Variants in SKAP1 observed in about 807,000 individuals in gnomAD.
The protein encoded by SKAP1 is src kinase associated phosphoprotein 1, also known as src kinase-associated phosphoprotein 1.
Under a neutral mutation model 58.5 loss-of-function variants are expected in SKAP1, and 44 were observed. The ratio of observed to expected loss-of-function variants is 0.75; its 90% CI spans 0.59 to 0.97. The LOEUF (loss-of-function observed/expected upper bound fraction) is 0.97. Ranked by LOEUF, SKAP1 falls within the 50% of genes least tolerant of loss-of-function variation. The pLI, the probability that SKAP1 is intolerant of heterozygous loss-of-function variation, is 0.00. For synonymous variants in SKAP1, 127 were observed against 149.7 expected (o/e 0.85, Z 1.11); for missense variants, 390 against 435.2 (o/e 0.90, Z 0.92).
intron 9 of SKAP1, among the ~76,000 whole-genome samples, chr17:48,174,410 A>G (rs533964609): frequency 1.3e-5 from 2 of 152,326 alleles, no homozygotes; most frequent in East Asian, 3.9e-4. Context: ...CTGGTTGTGA[A>G]AATTACACCC....
intron 10 of SKAP1, among the ~76,000 whole-genome samples, chr17:48,166,327 A>T (rs2064139010): frequency 6.6e-6 from 1 of 152,234 alleles, no homozygotes; most frequent in Non-Finnish European, 1.5e-5. Context: ...ATTGCAAAGC[A>T]TTTGTCATTG....
chr17:48,303,793 T>C (rs1360443493), intron 4 of SKAP1, among the ~76,000 whole-genome samples: 1 of 152,178 alleles, frequency 6.6e-6, no homozygotes, highest in Non-Finnish European at 1.5e-5. Context: ...ACATAGAAGG[T>C]TGCTAGATAA....
chr17:48,204,993 C>CTTTTCT (rs1457100566), intron 4 of SKAP1, among the ~76,000 whole-genome samples: 1 of 52,128 alleles, frequency 1.9e-5, no homozygotes, highest in African/African-American at 9.5e-5. Context: ...TTCTTTCTTT[C>CTTTTCT]TTTCTTTCTT....
chr17:48,430,096 C>T lies in SKAP1; in HGVS notation c.25G>A (p.Glu9Lys), dbSNP rs762740429. 1 of 1,264,652 alleles carries T rather than the reference C, an allele frequency of 7.9e-7. No homozygotes were observed. The highest frequency in any genetic ancestry group is 1.0e-6 in the Non-Finnish European group (1 of 997,082). The allele number at this position is 1,264,652 out of a possible 1,614,324, so 78.3% of individuals were successfully genotyped here. MQAAALPE[E>K]IRWLLEDAEE... Reference sequence around the variant, plus strand: ...TTACCTTCCAGGAGCCAACGGATCTCCTCAGGGAGGGCGGCGGCCTGCATT... The same window carrying T: ...TTACCTTCCAGGAGCCAACGGATCTTCTCAGGGAGGGCGGCGGCCTGCATT... Residue 9 changes from glutamate (E) to lysine (K), a missense_variant, in exon 1 of 13, where the codon GAG (glutamate) becomes AAG (lysine). Transcript: ENST00000336915.
chr17:48,240,551 C>T (rs118091812), intron 4 of SKAP1, among the ~76,000 whole-genome samples: 1 of 152,166 alleles, frequency 6.6e-6, no homozygotes, highest in African/African-American at 2.4e-5. Flanking sequence ...TACAGTTGTC[C>T]CATATTCAGA....
At chr17:48,440,490 A>C in the SKAP1 span, among the ~76,000 whole-genome samples, 1 of 152,212 alleles carries the variant, frequency 6.6e-6, no homozygotes, top group African/African-American at 2.4e-5. Flanking sequence ...CTGTGGCGTA[A>C]GGGTCTGACC....
intron 4 of SKAP1, among the ~76,000 whole-genome samples, chr17:48,324,159 C>T (rs2066402900): frequency 6.6e-6 from 1 of 152,062 alleles, no homozygotes; most frequent in Non-Finnish European, 1.5e-5. Flanking sequence ...AATCTTATAA[C>T]ACAGAAAAAC....
chr17:48,339,191 C>G (rs2066614873), intron 4 of SKAP1, among the ~76,000 whole-genome samples: 1 of 152,202 alleles, frequency 6.6e-6, no homozygotes, highest in African/African-American at 2.4e-5. Flanking sequence ...CTTCCATTAG[C>G]TTTGACAGGA....
At chr17:48,367,847 T>C (rs922268896) in intron 2 of SKAP1, among the ~76,000 whole-genome samples, 3 of 150,376 alleles carry the variant, frequency 2.0e-5, no homozygotes, top group Non-Finnish European at 4.4e-5. Context: ...CCCAGGATGT[T>C]GAGGTTGCAG....
intron 4 of SKAP1, among the ~76,000 whole-genome samples, chr17:48,307,110 C>A (rs2066152979): frequency 6.6e-6 from 1 of 152,122 alleles, no homozygotes; most frequent in African/African-American, 2.4e-5. Context: ...TAGTAGTAGA[C>A]AAGCAAACTG....
At chr17:48,337,670 A>G (rs1482632737) in intron 4 of SKAP1, among the ~76,000 whole-genome samples, 1 of 152,236 alleles carries the variant, frequency 6.6e-6, no homozygotes, top group Non-Finnish European at 1.5e-5. Context: ...GTTGGCATTT[A>G]TGGAGCCTTT....
rs567983211 is a variant in SKAP1, at chr17:48,388,901, C to T, written c.152+7779G>A. ...GGTCTAAATTACCAAATTGTTTGGG[C>T]CTTGTGGTTATGGTAGAATTTACAA... On this transcript the variant is annotated intron_variant, in intron 2 of 12. Coordinates refer to ENST00000336915, the MANE Select transcript of SKAP1 (RefSeq NM_003726.4). Among the ~76,000 whole-genome samples the T allele has an allele frequency of 2.4e-4, 36 of 152,238 alleles. 1 individual carries two copies. In the South Asian group the frequency reaches 7.1e-3, roughly 30 times the overall value.
intron 4 of SKAP1, among the ~76,000 whole-genome samples, chr17:48,290,245 A>G (rs2065883431): frequency 1.3e-5 from 2 of 152,232 alleles, no homozygotes; most frequent in Admixed American, 1.3e-4. Flanking sequence ...GGGCAATTCA[A>G]GAATTATTTG....
At chr17:48,300,350 G>A (rs776727244) in intron 4 of SKAP1, among the ~76,000 whole-genome samples, 1 of 152,106 alleles carries the variant, frequency 6.6e-6, no homozygotes, top group Non-Finnish European at 1.5e-5. Flanking sequence ...GGACAGGAGA[G>A]TGAGAGGCTC....
chr17:48,209,547 G>A (rs1567821882), intron 4 of SKAP1, among the ~76,000 whole-genome samples: 1 of 152,172 alleles, frequency 6.6e-6, no homozygotes, highest in Non-Finnish European at 1.5e-5. Context: ...ATCACTAAAT[G>A]ACTCTTTGCT....
intron 5 of SKAP1, 101 bp downstream of exon 5, chr17:48,189,322 C>T (rs1567812455): frequency 5.4e-6 from 5 of 931,886 alleles, no homozygotes; most frequent in Non-Finnish European, 8.3e-6. Flanking sequence ...CCGCCTAGCA[C>T]AGTACCGGGC....
chr17:48,232,462 G>GT (rs1244201746), intron 4 of SKAP1, among the ~76,000 whole-genome samples: 1 of 152,190 alleles, frequency 6.6e-6, no homozygotes, highest in African/African-American at 2.4e-5. Flanking sequence ...ATTTACAGAA[G>GT]TAACAGATGG....
intron 4 of SKAP1, among the ~76,000 whole-genome samples, chr17:48,270,331 ATTAAT>A (rs1485349979): frequency 6.6e-6 from 1 of 151,906 alleles, no homozygotes; most frequent in African/African-American, 2.4e-5. Flanking sequence ...AATTTTTTAA[ATTAAT>A]TTAATTTTAT....
chr17:48,290,428 G>A (rs999414543), intron 4 of SKAP1, among the ~76,000 whole-genome samples: 1 of 152,148 alleles, frequency 6.6e-6, no homozygotes, highest in African/African-American at 2.4e-5. Context: ...CAGCAGGTGG[G>A]TTATCAGACA....
Sources: gnomAD v4.1 joint callset for allele counts (sites outside exome capture counted in the v4.1 genomes callset) on GRCh38, gnomAD v4.1.1 for gene constraint, MANE v1.5 for transcripts, NCBI Gene and HGNC (gene_info 2026-07-23, HGNC 2026-07-21) for gene names.